Variants in CFAP20DC observed in about 807,000 individuals in gnomAD.
CFAP20DC encodes the protein protein CFAP20DC.
CFAP20DC carries 84 observed loss-of-function variants against 101.7 expected under a neutral mutation model. The ratio of observed to expected loss-of-function variants is 0.83; its 90% CI spans 0.69 to 0.99. The LOEUF is 0.99. Among genes scored for constraint, CFAP20DC ranks in the 50% least tolerant of loss-of-function variants. CFAP20DC has a pLI of 0.00. For missense variants in CFAP20DC, 1,007 were observed against 970.3 expected, an observed-to-expected ratio of 1.04 and a Z score of -0.50; for synonymous variants, 359 against 351.2, an observed-to-expected ratio of 1.02 and a Z score of -0.25.
chr3:58,798,638 G>T (rs892123677), intron 15 of CFAP20DC, among the ~76,000 whole-genome samples: 1 of 152,134 alleles, frequency 6.6e-6, no homozygotes, highest in African/African-American at 2.4e-5. Flanking sequence ...TTCTACTGTG[G>T]GTAAAATGCC....
chr3:58,817,841 G>T lies in CFAP20DC; in HGVS notation c.2176-11385C>A, dbSNP rs554712777. Among the ~76,000 whole-genome samples the T allele has an allele frequency of 7.4e-3, 1,121 of 152,060 alleles. 12 individuals carry two copies. Among genetic ancestry groups the T allele is most frequent in the African/African-American group, 0.026 (1,059 of 41,480 alleles). On this transcript the variant is annotated intron_variant, in intron 14 of 16. Coordinates refer to ENST00000482387, the MANE Select transcript of CFAP20DC (RefSeq NM_001394063.1). The stretch of plus-strand genomic sequence containing the variant: ...GCAACTTCAAGACACATAATTGTCA[G>T]ATTCACCAAAGTTGAAATGAAGGAA...
At chr3:58,792,525 C>A (rs1031468548) in intron 15 of CFAP20DC, among the ~76,000 whole-genome samples, 1 of 152,018 alleles carries the variant, frequency 6.6e-6, no homozygotes, top group African/African-American at 2.4e-5. Context: ...AAATTAACTA[C>A]AAGTGTGCTA....
At chr3:58,856,818 T>G (rs2078874813) in intron 12 of CFAP20DC, among the ~76,000 whole-genome samples, 1 of 152,190 alleles carries the variant, frequency 6.6e-6, no homozygotes, top group Non-Finnish European at 1.5e-5. Context: ...TTTAATTTAG[T>G]CTGGTAGCGA....
At chr3:58,723,883 A>G (rs1426409105) in intron 3 of CFAP20DC, among the ~76,000 whole-genome samples, 1 of 152,228 alleles carries the variant, frequency 6.6e-6, no homozygotes, top group South Asian at 2.1e-4. Flanking sequence ...ATGTTTTTTT[A>G]TGGGAAAGGA....
rs528372323 is a variant in CFAP20DC at position 58,817,021 on chromosome 3, C to A, written c.2176-10565G>T. On this transcript the variant is annotated intron_variant, in intron 14 of 16. Coordinates refer to ENST00000482387, the MANE Select transcript of CFAP20DC (RefSeq NM_001394063.1). Reference sequence around the variant, plus strand: ...AGCCTAACTGGGAGGCACCCCCCAGCAGCAGCACACTGACACCTCACACGG... The same window carrying A: ...AGCCTAACTGGGAGGCACCCCCCAGAAGCAGCACACTGACACCTCACACGG... Among the ~76,000 whole-genome samples the A allele has an allele frequency of 6.6e-5, 10 of 152,268 alleles. 1 individual carries two copies. The South Asian group carries it at 2.1e-3, about 32-fold the overall frequency.
In CFAP20DC at chr3:58,801,187, C is replaced by A. The variant is rs189539070; in HGVS notation, c.2237+5208G>T. ...GGGTTCTAAATGTGGAGCATCAGGG[C>A]CCTCAAAAGAGCAGGTGTGAAATCT... On this transcript the variant is annotated intron_variant, in intron 15 of 16. Coordinates refer to ENST00000482387, the MANE Select transcript of CFAP20DC (RefSeq NM_001394063.1). 2.8e-3 allele frequency among the ~76,000 whole-genome samples: 423 copies of A among 152,134 alleles called. 1 individual carries two copies. Among genetic ancestry groups the A allele is most frequent in the Non-Finnish European group, 4.3e-3 (293 of 67,996 alleles).
chr3:58,812,570 G>A lies in CFAP20DC; in HGVS notation c.2176-6114C>T, dbSNP rs1020991993. On this transcript the variant is annotated intron_variant, in intron 14 of 16. Transcript: ENST00000482387. ...GGGACTGTTGTGGGGTGGGGGGAGC[G>A]GGGAGGGATAGCATTAGGAGATATA... Among the ~76,000 whole-genome samples, 11 of 151,598 alleles carry A rather than the reference G, an allele frequency of 7.3e-5. 1 individual carries two copies. The highest frequency in any genetic ancestry group is 1.9e-4 in the African/African-American group (8 of 41,042).
intron 13 of CFAP20DC, among the ~76,000 whole-genome samples, chr3:58,847,433 C>A (rs1317464307): frequency 1.3e-5 from 2 of 150,546 alleles, no homozygotes; most frequent in Non-Finnish European, 3.0e-5. Context: ...CCATCACTGG[C>A]CATCAGAGAA....
intron 14 of CFAP20DC, among the ~76,000 whole-genome samples, chr3:58,815,034 G>C (rs1184025134): frequency 6.6e-6 from 1 of 151,420 alleles, no homozygotes; most frequent in African/African-American, 2.4e-5. Context: ...AACCAAAAAA[G>C]AGCCCGCATC....
rs146750294 is a variant in CFAP20DC at position 59,024,582 on chromosome 3, G to T, written c.278+14975C>A. ...TCAGTCATTTCTATGAATCCAAAGA[G>T]TCTGAGATATTTTTACATCCAAATC... On this transcript the variant is annotated intron_variant, in intron 4 of 16. Coordinates refer to ENST00000482387, the MANE Select transcript of CFAP20DC (RefSeq NM_001394063.1). 9.6e-4 allele frequency among the ~76,000 whole-genome samples: 146 copies of T among 152,192 alleles called. 2 individuals carry two copies. In the East Asian group the frequency reaches 0.018, roughly 19 times the overall value.
chr3:58,953,369 T>C (rs1252762896), intron 4 of CFAP20DC: 1 of 152,200 alleles, frequency 6.6e-6, no homozygotes, highest in Non-Finnish European at 1.5e-5. Flanking sequence ...AACTCAGATT[T>C]TGGTTTGCAC....
At chr3:58,831,963 T>A in intron 13 of CFAP20DC, 74 bp from the exon 14 acceptor site, 2 of 1,298,604 alleles carry the variant, frequency 1.5e-6, no homozygotes, top group Non-Finnish European at 2.2e-6. Context: ...GCCACAGCCT[T>A]AACCCCTACA....
At chr3:58,922,656 C>T (rs191629498) in intron 5 of CFAP20DC, among the ~76,000 whole-genome samples, 1 of 152,310 alleles carries the variant, frequency 6.6e-6, no homozygotes, top group Non-Finnish European at 1.5e-5. Flanking sequence ...CAGTCCGAGG[C>T]TCTTCCCAGA....
intron 15 of CFAP20DC, among the ~76,000 whole-genome samples, chr3:58,790,106 T>C (rs372919963): frequency 6.6e-6 from 1 of 152,162 alleles, no homozygotes; most frequent in African/African-American, 2.4e-5. Context: ...TATGGCTCAA[T>C]GAATGATCCC....
At chr3:58,934,676 T>G (rs1054603921) in intron 5 of CFAP20DC, among the ~76,000 whole-genome samples, 2 of 152,174 alleles carry the variant, frequency 1.3e-5, no homozygotes, top group Non-Finnish European at 2.9e-5. Flanking sequence ...AAAAACCACA[T>G]GATTATTTCA....
chr3:59,008,196 C>G (rs192169673), intron 4 of CFAP20DC, among the ~76,000 whole-genome samples: 1 of 152,292 alleles, frequency 6.6e-6, no homozygotes, highest in Admixed American at 6.5e-5. Flanking sequence ...GGAACATCAA[C>G]ATTCCTACAG....
At chr3:58,776,925 C>A (rs1047995538) in intron 15 of CFAP20DC, among the ~76,000 whole-genome samples, 1 of 151,966 alleles carries the variant, frequency 6.6e-6, no homozygotes, top group African/African-American at 2.4e-5. Flanking sequence ...CTGGACTCTT[C>A]CACTGTGGGA....
chr3:58,895,015 T>C (rs2082554954), intron 6 of CFAP20DC, among the ~76,000 whole-genome samples: 1 of 152,210 alleles, frequency 6.6e-6, no homozygotes. Context: ...GGGCACCAAG[T>C]CCCCAGGCTG....
At chr3:58,836,939 G>A (rs1575829548) in intron 13 of CFAP20DC, among the ~76,000 whole-genome samples, 1 of 152,202 alleles carries the variant, frequency 6.6e-6, no homozygotes, top group South Asian at 2.1e-4. Flanking sequence ...CTTCATAAAG[G>A]ATGGAGGAGA....
Sources: allele counts gnomAD v4.1 joint callset (sites outside exome capture counted in the v4.1 genomes callset), GRCh38; gene constraint gnomAD v4.1.1; transcripts MANE v1.5; gene names NCBI Gene and HGNC (gene_info 2026-07-23, HGNC 2026-07-21).